The following SPARC variants were observed in gnomAD, a reference collection of about 807,000 sequenced individuals.
The protein encoded by SPARC is basement-membrane protein 40.
SPARC carries 23 observed loss-of-function variants against 37.7 expected under a neutral mutation model. The observed-to-expected ratio is 0.61, with a 90% CI of 0.44 to 0.87. The LOEUF (loss-of-function observed/expected upper bound fraction) is 0.87, where lower values mean the gene tolerates loss of function less well. Ranked by LOEUF, SPARC falls within the 40% of genes least tolerant of loss-of-function variation. The pLI is 0.00. For missense variants in SPARC, 312 were observed against 389.0 expected (o/e 0.80, Z 1.66); for synonymous variants, 155 against 150.8 (o/e 1.03, Z -0.20).
chr5:151,673,336 T>C, intron 3 of SPARC, 120 bp from the exon 4 acceptor site: 1 of 745,596 alleles, frequency 1.3e-6, no homozygotes, highest in South Asian at 1.5e-5. Flanking sequence ...CCAGATTTAA[T>C]CTATAGGCCT....
chr5:151,665,306 C>T (rs1479625665), intron 8 of SPARC, among the ~76,000 whole-genome samples: 1 of 152,158 alleles, frequency 6.6e-6, no homozygotes, highest in Non-Finnish European at 1.5e-5. Flanking sequence ...TCCAGATGTT[C>T]CCCTTTGACT....
chr5:151,672,835 C>G (rs1469324835), intron 4 of SPARC: 8 of 402,868 alleles, frequency 2.0e-5, no homozygotes, highest in African/African-American at 1.4e-4. Flanking sequence ...GACTGGGAAA[C>G]TCAGCTTTGG....
chr5:151,677,510 T>G (rs1029545481), intron 1 of SPARC, among the ~76,000 whole-genome samples: 8 of 152,208 alleles, frequency 5.3e-5, no homozygotes, highest in African/African-American at 1.7e-4. Flanking sequence ...AGCTTGAAAT[T>G]AAATGCCAGG....
chr5:151,667,607 T>A lies in SPARC; in HGVS notation c.452-7A>T. The A allele has an allele frequency of 1.2e-6, 2 of 1,613,848 alleles. No homozygotes were observed. Among genetic ancestry groups the A allele is most frequent in the Non-Finnish European group, 8.5e-7 (1 of 1,179,934 alleles). On this transcript the variant is annotated splice_polypyrimidine_tract_variant and splice_region_variant and intron_variant, in intron 6 of 9. Transcript: ENST00000231061. ...TCCAGGCAAGGGGGGATGTCTAGGT[T>A]CCAAACACAAGGGCGGTCAGCACAG...
At position 151,672,975 on chromosome 5, in the gene SPARC, A is replaced by T. The variant is rs564776759; in HGVS notation, c.208+154T>A. ...AGGGGACTGAGTGCCACAGTTTCCC[A>T]CTTGTTAAGTCAAAGCCGTGTTTCC... On this transcript the variant is annotated intron_variant, in intron 4 of 9. Transcript: ENST00000231061. 7.8e-5 allele frequency: 51 copies of T among 656,102 alleles called. No homozygotes were observed. The African/African-American group carries it at 8.1e-4, about 10-fold the overall frequency. The allele number at this position is 656,102 out of a possible 1,614,324, so 40.6% of individuals were successfully genotyped here. A position where few individuals can be genotyped will look rare whatever the true frequency, so the allele number is the denominator to read the frequency against.
At chr5:151,664,339 G>A (rs1243884401) in intron 8 of SPARC, 104 bp from the exon 9 acceptor site, 1 of 1,073,104 alleles carries the variant, frequency 9.3e-7, no homozygotes, top group South Asian at 1.4e-5. Context: ...TGGAGGAAAG[G>A]ATATTTAAAG....
rs1235208794 is a variant in SPARC, at chr5:151,674,656, C to T, written c.76G>A (p.Asp26Asn). 3 of 1,614,066 alleles carry T rather than the reference C, an allele frequency of 1.9e-6. No individual in the cohort carries two copies. The highest frequency in any genetic ancestry group is 2.7e-5 in the African/African-American group (2 of 74,924). ...GTTTCTTCCACCACCTCTGTCTCAT[C>T]AGGCAGGGCTTCTTGCTGCTGTTGG... The part of the protein sequence containing the change: ...LAAPQQEALP[D>N]ETEVVEETVA... The change falls in exon 3 of 10, where the codon GAT (aspartate) becomes AAT (asparagine). Residue 26 changes from aspartate (D) to asparagine (N), a missense_variant. Physicochemically the swap from Asp to Asn is conservative, Grantham distance 23 (BLOSUM62 1). Transcript: ENST00000231061.
Position 151,667,672 on chromosome 5 carries a change from C to CA in SPARC, c.452-73dup, listed in dbSNP as rs986442158. The CA allele has an allele frequency of 4.5e-6, 7 of 1,542,942 alleles. No individual in the cohort carries two copies. In the African/African-American group the frequency reaches 5.5e-5, roughly 12 times the overall value. On this transcript the variant is annotated intron_variant, in intron 6 of 9. Transcript: ENST00000231061. ...GTGCTCCCCACCCCAGGCCCCCACC[C>CA]ACCCACATACCACCTGCATTGGTGG...
intron 1 of SPARC, among the ~76,000 whole-genome samples, chr5:151,677,228 A>G (rs1760877677): frequency 6.6e-6 from 1 of 152,180 alleles, no homozygotes; most frequent in African/African-American, 2.4e-5. Flanking sequence ...TTCATTCTCA[A>G]GTGACTTTAG....
chr5:151,668,162 T>C (rs1171284743), intron 6 of SPARC, among the ~76,000 whole-genome samples: 30 of 151,886 alleles, frequency 2.0e-4, no homozygotes, highest in African/African-American at 6.5e-4. Context: ...TTCTTCTTTT[T>C]TTTTTTTTTA....
intron 5 of SPARC, among the ~76,000 whole-genome samples, chr5:151,670,574 TGTAC>T (rs1760727136): frequency 6.6e-6 from 1 of 152,192 alleles, no homozygotes; most frequent in Non-Finnish European, 1.5e-5. Context: ...AATATGTCGC[TGTAC>T]TAAACCTTAG....
At chr5:151,679,107 A>G (rs1760925840) in intron 1 of SPARC, 1 of 152,260 alleles carries the variant, frequency 6.6e-6, no homozygotes, top group Admixed American at 6.5e-5. Context: ...ACCTAGGTGT[A>G]GCGTGCCTGG....
intron 5 of SPARC, among the ~76,000 whole-genome samples, chr5:151,670,713 G>A (rs952533337): frequency 2.0e-5 from 3 of 152,210 alleles, no homozygotes; most frequent in Non-Finnish European, 2.9e-5. Flanking sequence ...AGGAGGAGGG[G>A]AGCCTGTGTT....
At chr5:151,668,050 G>T (rs1427224199) in intron 6 of SPARC, among the ~76,000 whole-genome samples, 3 of 152,166 alleles carry the variant, frequency 2.0e-5, no homozygotes, top group Non-Finnish European at 1.5e-5. Flanking sequence ...TCTTAGAAAT[G>T]ATTCCAACCT....
chr5:151,664,140 T>C lies in SPARC; in HGVS notation c.830A>G (p.Asn277Ser). The part of the protein sequence containing the change: ...TRFFETCDLD[N>S]DKYIALDEWA... ...CTCATCCAGGGCGATGTACTTGTCA[T>C]TGTCCAGGTCACAGGTCTCGAAAAA... is the stretch of plus-strand genomic sequence containing the variant. Residue 277 changes from asparagine (N) to serine (S), a missense_variant, in exon 9 of 10, where the codon AAT becomes AGT. Transcript: ENST00000231061. The C allele has an allele frequency of 6.2e-7, 1 of 1,614,174 alleles. No homozygotes were observed.
chr5:151,673,437 C>T (rs148039370), intron 3 of SPARC, among the ~76,000 whole-genome samples: 2 of 152,244 alleles, frequency 1.3e-5, no homozygotes, highest in African/African-American at 2.4e-5. Flanking sequence ...GGAAAATATA[C>T]CTTGGACCCC....
chr5:151,663,114 GTC>G lies in SPARC; in HGVS notation c.*455_*456del, dbSNP rs141279917. 0.08 allele frequency: 12,963 copies of G among 161,892 alleles called. 1,788 individuals carry two copies. The highest frequency in any genetic ancestry group is 0.29 in the African/African-American group (12,169 of 41,592). 10.0% of individuals were successfully genotyped at this position (161,892 alleles called of 1,614,324 possible). A position where few individuals can be genotyped will look rare whatever the true frequency, so the allele number is the denominator to read the frequency against. On this transcript the variant is annotated 3_prime_UTR_variant, in exon 10 of 10. Coordinates refer to ENST00000231061, the MANE Select transcript of SPARC (RefSeq NM_003118.4). Reference sequence around the variant, plus strand: ...AAAACCATCCTTGACAACATCGTGTGTCTGTTACTTCCCTTTGCCCACCTCCA... The same window carrying G: ...AAAACCATCCTTGACAACATCGTGTGTGTTACTTCCCTTTGCCCACCTCCA...
intron 5 of SPARC, among the ~76,000 whole-genome samples, chr5:151,671,134 C>G (rs964190626): frequency 6.6e-6 from 1 of 152,204 alleles, no homozygotes; most frequent in Admixed American, 6.5e-5. Context: ...CACAACAGAT[C>G]TATGAGTTAA....
Position 151,664,242 on chromosome 5 carries a change from G to T in SPARC, c.735-7C>A. 1 of 1,613,066 alleles carries T rather than the reference G, an allele frequency of 6.2e-7. No individual in the cohort carries two copies. ...CTCGGTGTGGGAGAGGTACCTGCAG[G>T]GAAGGAGGCAGGGGAGGGCCTGAGG... On this transcript the variant is annotated splice_polypyrimidine_tract_variant and splice_region_variant and intron_variant, in intron 8 of 9. Coordinates refer to ENST00000231061, the MANE Select transcript of SPARC (RefSeq NM_003118.4).
Sources: allele counts gnomAD v4.1 joint callset (sites outside exome capture counted in the v4.1 genomes callset), GRCh38; gene constraint gnomAD v4.1.1; transcripts MANE v1.5; gene names NCBI Gene and HGNC (gene_info 2026-07-23, HGNC 2026-07-21).